The following STAG1 variants were observed in gnomAD, a reference collection of about 807,000 sequenced individuals.
The protein encoded by STAG1 is STAG1 cohesin complex component.
STAG1 carries 26 observed loss-of-function variants against 170.9 expected under a neutral mutation model. The observed-to-expected ratio is 0.15, with a 90% CI of 0.11 to 0.21. The LOEUF is 0.21. STAG1 is among the 10% of genes least tolerant of loss of function. The probability of loss-of-function intolerance (pLI) is 1.00; values close to 1 mark genes in which losing one functional copy is unlikely to be tolerated. For synonymous variants in STAG1, 514 were observed against 497.7 expected, an observed-to-expected ratio of 1.03 and a Z score of -0.44; for missense variants, 964 against 1,509.5, an observed-to-expected ratio of 0.64 and a Z score of 5.99.
intron 6 of STAG1, among the ~76,000 whole-genome samples, chr3:136,527,607 G>A (rs751730753): frequency 8.5e-5 from 13 of 152,186 alleles, no homozygotes; most frequent in East Asian, 1.9e-4. Flanking sequence ...TCTCCCTCCC[G>A]CTTTGTTCCG....
chr3:136,430,025 T>G (rs1365140979), intron 16 of STAG1: 1 of 152,214 alleles, frequency 6.6e-6, no homozygotes, highest in Non-Finnish European at 1.5e-5. Flanking sequence ...TAGGCTATAG[T>G]AGTTAAGTTC....
Position 136,337,633 on chromosome 3 carries a change from C to A in STAG1, c.*621G>T, listed in dbSNP as rs1935743407. 6.6e-6 allele frequency: 1 copy of A among 152,510 alleles called. No homozygotes were observed. The highest frequency in any genetic ancestry group is 1.5e-5 in the Non-Finnish European group (1 of 68,028). 9.4% of individuals were successfully genotyped at this position (152,510 alleles called of 1,614,324 possible). A position where few individuals can be genotyped will look rare whatever the true frequency, so the allele number is the denominator to read the frequency against. The stretch of plus-strand genomic sequence containing the variant: ...AAATCTGGGAATTCATATCCATATC[C>A]ACAGAGGGTGTGTGGTTTTTGGCAG... On this transcript the variant is annotated 3_prime_UTR_variant, in exon 34 of 34. Transcript: ENST00000383202.
At chr3:136,461,986 T>A (rs962899311) in intron 13 of STAG1, among the ~76,000 whole-genome samples, 3 of 151,864 alleles carry the variant, frequency 2.0e-5, no homozygotes, top group African/African-American at 4.8e-5. Flanking sequence ...AAATAAGAAA[T>A]CACAATGAGA....
intron 1 of STAG1, among the ~76,000 whole-genome samples, chr3:136,677,247 T>TA: frequency 6.6e-6 from 1 of 152,150 alleles, no homozygotes; most frequent in Non-Finnish European, 1.5e-5. Context: ...GGCAGCCCAA[T>TA]AGGTTTATAC....
chr3:136,416,844 C>CTTTT (rs66573534), intron 21 of STAG1, among the ~76,000 whole-genome samples: 3 of 127,196 alleles, frequency 2.4e-5, no homozygotes, highest in Non-Finnish European at 4.9e-5. Context: ...TCATAATTAA[C>CTTTT]TTTTTTTTTT....
In STAG1 at chr3:136,621,881, G is replaced by A. The variant is rs571831011; in HGVS notation, c.132+1265C>T. Among the ~76,000 whole-genome samples the A allele has an allele frequency of 4.0e-5, 6 of 149,540 alleles. 1 individual carries two copies. The highest frequency in any genetic ancestry group is 4.4e-5 in the Non-Finnish European group (3 of 67,766). ...TTCCTGTGTCATGACTCTAACCACC[G>A]AACTAGATTTTAAATGTTCATAAGA... is the stretch of plus-strand genomic sequence containing the variant. On this transcript the variant is annotated intron_variant, in intron 3 of 33. Coordinates refer to ENST00000383202, the MANE Select transcript of STAG1 (RefSeq NM_005862.3).
chr3:136,550,834 T>C (rs978966929), intron 5 of STAG1, among the ~76,000 whole-genome samples: 10 of 152,206 alleles, frequency 6.6e-5, no homozygotes, highest in African/African-American at 2.4e-4. Flanking sequence ...AGTGGTCAGG[T>C]ATTTTATACA....
At chr3:136,613,085 G>A (rs763089117) in intron 3 of STAG1, among the ~76,000 whole-genome samples, 19 of 152,000 alleles carry the variant, frequency 1.3e-4, no homozygotes, top group Non-Finnish European at 2.5e-4. Flanking sequence ...GGCGGATCAC[G>A]AGGTCAGGAG....
chr3:136,689,290 T>C (rs2107895334), intron 1 of STAG1, among the ~76,000 whole-genome samples: 1 of 152,344 alleles, frequency 6.6e-6, no homozygotes, highest in South Asian at 2.1e-4. Flanking sequence ...GAATGGCTTA[T>C]TACATAAATT....
intron 4 of STAG1, among the ~76,000 whole-genome samples, chr3:136,577,951 T>C (rs529660431): frequency 2.0e-5 from 3 of 152,192 alleles, no homozygotes; most frequent in Non-Finnish European, 2.9e-5. Flanking sequence ...ATTTAACAGC[T>C]GAGATACCAG....
chr3:136,509,500 C>G (rs181511993), intron 7 of STAG1, among the ~76,000 whole-genome samples: 1 of 151,040 alleles, frequency 6.6e-6, no homozygotes, highest in African/African-American at 2.4e-5. Flanking sequence ...GGTTTTCCTA[C>G]GGAATATGAA....
intron 1 of STAG1, among the ~76,000 whole-genome samples, chr3:136,678,892 A>C (rs1263586068): frequency 6.6e-6 from 1 of 151,336 alleles, no homozygotes; most frequent in Non-Finnish European, 1.5e-5. Flanking sequence ...GAAAAAAAAA[A>C]AACAATCAGG....
intron 2 of STAG1, 112 bp downstream of exon 2, chr3:136,630,758 A>G (rs2107838071): frequency 5.0e-6 from 4 of 796,316 alleles, no homozygotes; most frequent in Non-Finnish European, 6.3e-6. Context: ...TATTGTCCCA[A>G]TATCAAAGAA....
Position 136,342,968 on chromosome 3 carries a change from T to C in STAG1, c.3446+864A>G, listed in dbSNP as rs192675200. On this transcript the variant is annotated intron_variant, in intron 30 of 33. Transcript: ENST00000383202. ...TTGGCAGCACAAGAATGCCCAGTTA[T>C]ACCATGGGTGACAGTGAGTATCCTC... 8.9e-4 allele frequency among the ~76,000 whole-genome samples: 136 copies of C among 152,366 alleles called. 2 individuals are homozygous for C. Among genetic ancestry groups the C allele is most frequent in the African/African-American group, 2.3e-3 (97 of 41,594 alleles).
intron 5 of STAG1, among the ~76,000 whole-genome samples, chr3:136,562,609 CAG>C (rs1936890956): frequency 6.6e-6 from 1 of 151,744 alleles, no homozygotes; most frequent in Non-Finnish European, 1.5e-5. Context: ...TTTTTTGAGA[CAG>C]AGTTTTGCTC....
intron 2 of STAG1, among the ~76,000 whole-genome samples, chr3:136,624,518 T>C (rs956308713): frequency 1.3e-5 from 2 of 152,208 alleles, no homozygotes; most frequent in African/African-American, 2.4e-5. Context: ...TATAAAGACA[T>C]TTGTTGAAAC....
At chr3:136,431,521 C>T (rs1173704887) in intron 16 of STAG1, among the ~76,000 whole-genome samples, 2 of 152,152 alleles carry the variant, frequency 1.3e-5, no homozygotes, top group African/African-American at 4.8e-5. Flanking sequence ...CCACCTGCCT[C>T]AGCCTCCCAA....
At chr3:136,402,289 C>T (rs1166532588) in intron 21 of STAG1, among the ~76,000 whole-genome samples, 1 of 151,912 alleles carries the variant, frequency 6.6e-6, no homozygotes, top group Non-Finnish European at 1.5e-5. Context: ...GTGGTCTTGG[C>T]TCACTGCAAC....
chr3:136,585,568 G>A (rs941985360), intron 4 of STAG1, among the ~76,000 whole-genome samples: 2 of 151,924 alleles, frequency 1.3e-5, no homozygotes, highest in African/African-American at 4.8e-5. Flanking sequence ...CTGCTCTCCA[G>A]CCTGGGTGAC....
Sources: gnomAD v4.1 joint callset for allele counts (sites outside exome capture counted in the v4.1 genomes callset) on GRCh38, gnomAD v4.1.1 for gene constraint, MANE v1.5 for transcripts, NCBI Gene and HGNC (gene_info 2026-07-23, HGNC 2026-07-21) for gene names.